COL21A1: variants seen among roughly 807,000 people sequenced by gnomAD.
COL21A1 encodes collagen alpha-1(XXI) chain.
Under a neutral mutation model 137.9 loss-of-function variants are expected in COL21A1, and 149 were observed. The observed-to-expected ratio is 1.08, with a 90% CI of 0.95 to 1.24. COL21A1 has a LOEUF of 1.24. Ranked by LOEUF, COL21A1 falls within the 50% of genes most tolerant of loss-of-function variation. The pLI is 0.00. For missense variants in COL21A1, 1,167 were observed against 1,158.4 expected (o/e 1.01, Z -0.11); for synonymous variants, 456 against 391.5 (o/e 1.16, Z -1.95).
At chr6:56,163,419 T>A (rs1776331988) in intron 9 of COL21A1, among the ~76,000 whole-genome samples, 1 of 152,146 alleles carries the variant, frequency 6.6e-6, no homozygotes, top group East Asian at 1.9e-4. Flanking sequence ...TACTTAAAAA[T>A]TTAGCCATTT....
At chr6:56,115,694 A>G (rs1034119577) in intron 16 of COL21A1, among the ~76,000 whole-genome samples, 1 of 152,218 alleles carries the variant, frequency 6.6e-6, no homozygotes, top group African/African-American at 2.4e-5. Flanking sequence ...CCAGGAATCA[A>G]TTCTAGAGAA....
chr6:56,231,814 C>T (rs866251467), intron 1 of COL21A1, among the ~76,000 whole-genome samples: 6 of 151,702 alleles, frequency 4.0e-5, no homozygotes, highest in Non-Finnish European at 7.4e-5. Flanking sequence ...AAGACATATA[C>T]GGTAACATTC....
chr6:56,143,883 T>G (rs1395869915), intron 10 of COL21A1, among the ~76,000 whole-genome samples: 4 of 152,178 alleles, frequency 2.6e-5, no homozygotes, highest in Non-Finnish European at 5.9e-5. Context: ...ATCAACTCTA[T>G]ACATGAACGT....
chr6:56,286,931 A>G (rs907263882), intron 1 of COL21A1, among the ~76,000 whole-genome samples: 2 of 152,232 alleles, frequency 1.3e-5, no homozygotes, highest in Non-Finnish European at 2.9e-5. Flanking sequence ...TGAAAAGAGT[A>G]GCTTTATTTT....
At chr6:56,075,752 C>T (rs761842360) in intron 18 of COL21A1, among the ~76,000 whole-genome samples, 7 of 151,354 alleles carry the variant, frequency 4.6e-5, no homozygotes, top group Non-Finnish European at 1.0e-4. Flanking sequence ...TTTGTAGTAA[C>T]ATTTGCCATT....
At chr6:56,098,365 ATATATATAAATATATATAAATATATAAAT>A (rs1446337470) in intron 17 of COL21A1, among the ~76,000 whole-genome samples, 3 of 48,730 alleles carry the variant, frequency 6.2e-5, no homozygotes, top group African/African-American at 3.8e-4. Flanking sequence ...ATATATATGA[ATATATATAAATATATATAAATATATAAAT>A]ATATATATAA....
Position 56,267,789 on chromosome 6 carries a change from A to T in COL21A1, c.-38-85133T>A, listed in dbSNP as rs1297028587. Among the ~76,000 whole-genome samples, 4 of 136,534 alleles carry T rather than the reference A, an allele frequency of 2.9e-5. 1 individual carries two copies. Among genetic ancestry groups the T allele is most frequent in the Non-Finnish European group, 1.5e-5 (1 of 64,526 alleles). 89.6% of individuals were successfully genotyped at this position (136,534 alleles called of 152,430 possible). ...AAAAAAAAAGAAGAAGAAGAAGAAG[A>T]AGAGAGCCTCCTATCTAAGAAGATT... On this transcript the variant is annotated intron_variant, in intron 1 of 28. Coordinates refer to the COL21A1 transcript ENST00000370819.
intron 1 of COL21A1, among the ~76,000 whole-genome samples, chr6:56,297,777 T>A (rs1414926252): frequency 6.6e-6 from 1 of 152,124 alleles, no homozygotes; most frequent in Non-Finnish European, 1.5e-5. Context: ...CACAACACTC[T>A]GGACTGATGG....
chr6:56,328,609 A>T (rs1449961005), intron 1 of COL21A1, among the ~76,000 whole-genome samples: 1 of 152,168 alleles, frequency 6.6e-6, no homozygotes, highest in Non-Finnish European at 1.5e-5. Context: ...ATAACAAGTT[A>T]TAATGAAGCA....
At chr6:56,215,304 T>A (rs1780413508) in intron 1 of COL21A1, among the ~76,000 whole-genome samples, 1 of 152,022 alleles carries the variant, frequency 6.6e-6, no homozygotes, top group East Asian at 1.9e-4. Flanking sequence ...ATCCCAAATA[T>A]CTGCTTTTCA....
At chr6:56,252,423 C>T (rs1782875316), upstream of COL21A1, among the ~76,000 whole-genome samples, 1 of 152,160 alleles carries the variant, frequency 6.6e-6, no homozygotes, top group African/African-American at 2.4e-5. Context: ...CCTCTGGTTG[C>T]AAGCACAAAA....
intron 16 of COL21A1, among the ~76,000 whole-genome samples, chr6:56,117,255 A>T (rs1772020081): frequency 6.6e-6 from 1 of 152,008 alleles, no homozygotes; most frequent in Admixed American, 6.6e-5. Flanking sequence ...GGATGGAAAA[A>T]GATACTCCAT....
chr6:56,176,415 T>G (rs1777473072), intron 3 of COL21A1, among the ~76,000 whole-genome samples: 1 of 108,048 alleles, frequency 9.3e-6, no homozygotes, highest in Non-Finnish European at 2.0e-5. Context: ...AAACTCTAAC[T>G]CAGCAACAAA....
intron 1 of COL21A1, among the ~76,000 whole-genome samples, chr6:56,206,308 A>G (rs529496848): frequency 9.0e-4 from 137 of 151,544 alleles, no homozygotes; most frequent in African/African-American, 3.2e-3. Flanking sequence ...GCAAATGGAA[A>G]GCAAAAAAAA....
At chr6:56,323,137 CA>C (rs1454300405) in intron 1 of COL21A1, among the ~76,000 whole-genome samples, 2 of 151,982 alleles carry the variant, frequency 1.3e-5, no homozygotes, top group East Asian at 1.9e-4. Context: ...TATATCCATG[CA>C]ACATGTATCC....
At chr6:56,193,760 G>T (rs1005312035) in intron 1 of COL21A1, among the ~76,000 whole-genome samples, 36 of 147,642 alleles carry the variant, frequency 2.4e-4, no homozygotes, top group African/African-American at 4.5e-4. Flanking sequence ...AGGTTTTTTT[G>T]TTTTTTTTTT....
chr6:56,214,225 AC>A (rs1399175953), intron 1 of COL21A1, among the ~76,000 whole-genome samples: 2 of 151,950 alleles, frequency 1.3e-5, no homozygotes, highest in Non-Finnish European at 2.9e-5. Context: ...TTCCATGGAA[AC>A]CCTGAACTGG....
intron 10 of COL21A1, among the ~76,000 whole-genome samples, chr6:56,151,021 A>G (rs1388790058): frequency 1.3e-5 from 2 of 152,136 alleles, no homozygotes; most frequent in African/African-American, 4.8e-5. Context: ...CAGGAGATCA[A>G]GACCATCCTG....
intron 1 of COL21A1, among the ~76,000 whole-genome samples, chr6:56,318,785 C>T (rs1764801510): frequency 6.6e-6 from 1 of 152,064 alleles, no homozygotes; most frequent in South Asian, 2.1e-4. Flanking sequence ...TATAAATTTT[C>T]CCATCTTAAA....
Sources: gnomAD v4.1 joint callset for allele counts (sites outside exome capture counted in the v4.1 genomes callset) on GRCh38, gnomAD v4.1.1 for gene constraint, MANE v1.5 for transcripts, NCBI Gene and HGNC (gene_info 2026-07-23, HGNC 2026-07-21) for gene names.